LRRTM4: variants seen among roughly 807,000 people sequenced by gnomAD.
LRRTM4 encodes the protein leucine rich repeat transmembrane neuronal 4, also known as leucine-rich repeat transmembrane neuronal protein 4.
Under a neutral mutation model 47.6 loss-of-function variants are expected in LRRTM4, and 25 were observed. The observed-to-expected ratio is 0.53, with a 90% CI of 0.38 to 0.73. The LOEUF is 0.73. Ranked by LOEUF, LRRTM4 falls within the 30% of genes least tolerant of loss-of-function variation. The probability of loss-of-function intolerance (pLI) is 0.00; values close to 1 mark genes in which losing one functional copy is unlikely to be tolerated. For missense variants in LRRTM4, 638 were observed against 713.4 expected (o/e 0.89, Z 1.20); for synonymous variants, 311 against 269.5 (o/e 1.15, Z -1.51).
At chr2:76,771,999 A>G (rs1337208981) in intron 3 of LRRTM4, among the ~76,000 whole-genome samples, 3 of 152,232 alleles carry the variant, frequency 2.0e-5, no homozygotes, top group Non-Finnish European at 4.4e-5. Flanking sequence ...ACAAATGCCA[A>G]GATTTAAGGG....
At chr2:77,482,173 A>T (rs1677729370) in intron 3 of LRRTM4, among the ~76,000 whole-genome samples, 1 of 151,390 alleles carries the variant, frequency 6.6e-6, no homozygotes, top group South Asian at 2.1e-4. Flanking sequence ...GTTATGAATG[A>T]CCATAGAGGA....
At chr2:77,021,730 C>G (rs1441017121) in intron 3 of LRRTM4, among the ~76,000 whole-genome samples, 3 of 152,124 alleles carry the variant, frequency 2.0e-5, no homozygotes, top group Admixed American at 6.6e-5. Context: ...TCAAGAAAAA[C>G]ATATGCTTTT....
At chr2:77,289,314 G>C (rs1400860250) in intron 3 of LRRTM4, among the ~76,000 whole-genome samples, 4 of 151,882 alleles carry the variant, frequency 2.6e-5, no homozygotes, top group South Asian at 2.1e-4. Flanking sequence ...GAAAGGTAAT[G>C]GATTTATCTA....
intron 3 of LRRTM4, among the ~76,000 whole-genome samples, chr2:76,838,177 G>C (rs991284097): frequency 2.0e-5 from 3 of 151,810 alleles, no homozygotes; most frequent in Non-Finnish European, 2.9e-5. Context: ...AGTCTCAAAA[G>C]TCTCATTAAA....
chr2:77,128,178 C>T (rs1440486487), intron 3 of LRRTM4, among the ~76,000 whole-genome samples: 2 of 151,376 alleles, frequency 1.3e-5, no homozygotes, highest in Admixed American at 1.3e-4. Flanking sequence ...TGTTTTTAAG[C>T]CTCAGAAACA....
At chr2:77,378,332 A>T (rs1373683018) in intron 3 of LRRTM4, among the ~76,000 whole-genome samples, 1 of 152,100 alleles carries the variant, frequency 6.6e-6, no homozygotes, top group Non-Finnish European at 1.5e-5. Flanking sequence ...ATCTTGTGAT[A>T]AAAAATTTGT....
chr2:77,045,717 A>G (rs1573494695), intron 3 of LRRTM4, among the ~76,000 whole-genome samples: 1 of 151,934 alleles, frequency 6.6e-6, no homozygotes, highest in East Asian at 1.9e-4. Flanking sequence ...CATGATTGTG[A>G]GGCTTCTCCA....
chr2:76,796,375 A>G (rs1573119930), intron 3 of LRRTM4, among the ~76,000 whole-genome samples: 2 of 129,550 alleles, frequency 1.5e-5, no homozygotes. Flanking sequence ...GGCACAGACA[A>G]ACAAAAAGAC....
At chr2:76,986,868 A>G (rs1257382815) in intron 3 of LRRTM4, among the ~76,000 whole-genome samples, 4 of 151,918 alleles carry the variant, frequency 2.6e-5, no homozygotes, top group Non-Finnish European at 4.4e-5. Flanking sequence ...GTATGCAACT[A>G]AAATAAACAT....
At chr2:77,074,805 T>G (rs1447296460) in intron 3 of LRRTM4, among the ~76,000 whole-genome samples, 1 of 152,162 alleles carries the variant, frequency 6.6e-6, no homozygotes, top group Non-Finnish European at 1.5e-5. Flanking sequence ...TAATTGTTGG[T>G]TGGCACTGAA....
At chr2:77,014,129 C>A (rs1209131231) in intron 3 of LRRTM4, among the ~76,000 whole-genome samples, 1 of 151,864 alleles carries the variant, frequency 6.6e-6, no homozygotes, top group Admixed American at 6.6e-5. Flanking sequence ...TGTTTGATCC[C>A]CCTACAGGCT....
intron 3 of LRRTM4, among the ~76,000 whole-genome samples, chr2:76,887,487 T>A (rs1185428653): frequency 6.7e-6 from 1 of 148,836 alleles, no homozygotes; most frequent in Non-Finnish European, 1.5e-5. Flanking sequence ...AGTGCCTTTA[T>A]TTTATATTTA....
At chr2:77,259,834 C>T (rs1000491166) in intron 3 of LRRTM4, among the ~76,000 whole-genome samples, 1 of 151,970 alleles carries the variant, frequency 6.6e-6, no homozygotes, top group Non-Finnish European at 1.5e-5. Context: ...AGTTTTCATT[C>T]CTTCCATATA....
chr2:76,915,553 G>A (rs963632197), intron 3 of LRRTM4, among the ~76,000 whole-genome samples: 1 of 152,092 alleles, frequency 6.6e-6, no homozygotes, highest in Non-Finnish European at 1.5e-5. Context: ...GATGTTCTGG[G>A]TTCTACCTTT....
chr2:76,962,184 T>A (rs1306093873), intron 3 of LRRTM4, among the ~76,000 whole-genome samples: 2 of 151,296 alleles, frequency 1.3e-5, no homozygotes, highest in African/African-American at 4.8e-5. Context: ...GATTTAAACA[T>A]CACTACAAAT....
intron 3 of LRRTM4, among the ~76,000 whole-genome samples, chr2:76,837,352 T>C (rs1285835205): frequency 6.6e-6 from 1 of 152,154 alleles, no homozygotes; most frequent in Non-Finnish European, 1.5e-5. Context: ...ATTAATTTTT[T>C]GAAGGGTTTT....
intron 3 of LRRTM4, among the ~76,000 whole-genome samples, chr2:76,855,054 T>G (rs1410426784): frequency 1.3e-5 from 2 of 152,114 alleles, no homozygotes; most frequent in African/African-American, 4.8e-5. Flanking sequence ...GACCAAAATT[T>G]TGAAAGAGAA....
At chr2:76,798,301 C>A (rs191561833) in intron 3 of LRRTM4, among the ~76,000 whole-genome samples, 279 of 152,218 alleles carry the variant, frequency 1.8e-3, no homozygotes, top group Non-Finnish European at 1.9e-3. Flanking sequence ...GAATCTCACT[C>A]AAAACCACTC....
chr2:77,042,578 G>T (rs888661437), intron 3 of LRRTM4, among the ~76,000 whole-genome samples: 1 of 151,554 alleles, frequency 6.6e-6, no homozygotes, highest in East Asian at 1.9e-4. Context: ...AGAATATGGG[G>T]TCTATTTTTG....
Sources: allele counts gnomAD v4.1 joint callset (sites outside exome capture counted in the v4.1 genomes callset), GRCh38; gene constraint gnomAD v4.1.1; transcripts MANE v1.5; gene names NCBI Gene and HGNC (gene_info 2026-07-23, HGNC 2026-07-21).